VPS13A: variants seen among roughly 807,000 people sequenced by gnomAD.
VPS13A encodes the protein vacuolar protein sorting 13 homolog A.
A neutral mutation model predicts 390.9 loss-of-function variants in VPS13A; 264 were observed. The observed-to-expected ratio is 0.68, with a 90% confidence interval of 0.61 to 0.75. The LOEUF (loss-of-function observed/expected upper bound fraction) is 0.75. VPS13A is among the 30% of genes least tolerant of loss of function. The pLI is 0.00. For missense variants in VPS13A, 3,409 were observed against 3,733.9 expected, an observed-to-expected ratio of 0.91 and a Z score of 2.27; for synonymous variants, 1,231 against 1,227.1, an observed-to-expected ratio of 1.00 and a Z score of -0.07.
At chr9:77,370,735 T>TC in intron 65 of VPS13A, 155 bp from the exon 66 acceptor site, 1 of 627,948 alleles carries the variant, frequency 1.6e-6, no homozygotes, top group South Asian at 7.8e-5. Flanking sequence ...GTCAGTAGCC[T>TC]CTAAAACATT....
At chr9:77,378,026 G>T (rs566271547) in intron 67 of VPS13A, among the ~76,000 whole-genome samples, 5 of 152,160 alleles carry the variant, frequency 3.3e-5, no homozygotes, top group Non-Finnish European at 7.4e-5. Flanking sequence ...TGGACATAAT[G>T]TGTAATCGTT....
chr9:77,322,986 A>G (rs1243835114), intron 44 of VPS13A, 81 bp from the exon 45 acceptor site: 1 of 1,146,222 alleles, frequency 8.7e-7, no homozygotes, highest in African/African-American at 1.6e-5. Flanking sequence ...GAATCATCTG[A>G]AATTTCTAAT....
chr9:77,336,446 T>C (rs540779398), intron 46 of VPS13A, among the ~76,000 whole-genome samples: 13 of 152,330 alleles, frequency 8.5e-5, no homozygotes, highest in African/African-American at 2.6e-4. Context: ...ATCTATTGAC[T>C]ACGTTTTAAT....
In VPS13A at chr9:77,221,319, G is replaced by A. The variant is rs1425273574; in HGVS notation, c.1124G>A (p.Ser375Asn). 1 of 1,613,128 alleles carries A rather than the reference G, an allele frequency of 6.2e-7. No individual in the cohort carries two copies. The highest frequency in any genetic ancestry group is 8.5e-7 in the Non-Finnish European group (1 of 1,179,376). Reference protein sequence around the residue: ...YKELYKKKLTSKKPPGELLVS... With the variant: ...YKELYKKKLTNKKPPGELLVS... ...GAACTGTATAAAAAAAAGTTAACAA[G>A]TAAGAAGCCACCTGGTGAACTTCTC... Residue 375 changes from serine to asparagine, a missense_variant, in exon 13 of 72, where the codon AGT becomes AAT. This residue lies in a region of VPS13A where 2,717 missense variants were observed against 2,917.4 expected (regional missense o/e 0.93). Transcript: ENST00000360280.
intron 47 of VPS13A, 194 bp from the exon 48 acceptor site, chr9:77,339,322 A>G: frequency 1.7e-6 from 1 of 592,940 alleles, no homozygotes; most frequent in Non-Finnish European, 2.9e-6. Flanking sequence ...ACAGTAGCTC[A>G]AATCTCAGAT....
intron 35 of VPS13A, among the ~76,000 whole-genome samples, chr9:77,313,765 G>A (rs912432453): frequency 2.6e-5 from 4 of 152,082 alleles, no homozygotes; most frequent in African/African-American, 7.2e-5. Flanking sequence ...GAAGCATCAA[G>A]AGGAAATAGA....
chr9:77,242,280 T>C (rs1184106109), intron 19 of VPS13A, among the ~76,000 whole-genome samples: 1 of 152,132 alleles, frequency 6.6e-6, no homozygotes, highest in Admixed American at 6.5e-5. Context: ...TAAAATAATT[T>C]AGATGAGTCA....
At chr9:77,409,562 A>G (rs1370655962) in intron 71 of VPS13A, among the ~76,000 whole-genome samples, 1 of 152,126 alleles carries the variant, frequency 6.6e-6, no homozygotes, top group East Asian at 1.9e-4. Context: ...AAAAAATTAG[A>G]TGAATGGCTA....
chr9:77,410,065 A>G (rs1834843698), intron 71 of VPS13A, among the ~76,000 whole-genome samples: 1 of 152,156 alleles, frequency 6.6e-6, no homozygotes, highest in African/African-American at 2.4e-5. Flanking sequence ...GTTACCCACA[A>G]AGGGAAGCCC....
chr9:77,371,142 A>T lies in VPS13A; in HGVS notation c.9070A>T (p.Ile3024Leu). Residue 3024 changes from isoleucine (I) to leucine (L), a missense_variant, in exon 67 of 72, where the codon ATA becomes TTA. This residue lies in a region of VPS13A where 318 missense variants were observed against 333.7 expected (regional missense o/e 0.95). Coordinates refer to ENST00000360280, the MANE Select transcript of VPS13A (RefSeq NM_033305.3). ...CATGGCTAGCAGTACATTTCAGGGA[A>T]TAAAAAGGTAAATCCTCTTTGGTGT... ...IDMASSTFQG[I>L]KRATETSEVE... 6.2e-7 allele frequency: 1 copy of T among 1,614,030 alleles called. No homozygotes were observed. The highest frequency in any genetic ancestry group is 8.5e-7 in the Non-Finnish European group (1 of 1,179,946).
chr9:77,406,058 T>G, intron 70 of VPS13A, 71 bp downstream of exon 70: 2 of 1,580,388 alleles, frequency 1.3e-6, no homozygotes, highest in Non-Finnish European at 1.7e-6. Context: ...CCTTTTTATT[T>G]GTATAATGCT....
intron 62 of VPS13A, among the ~76,000 whole-genome samples, chr9:77,368,507 T>C (rs1435904929): frequency 1.3e-5 from 2 of 151,232 alleles, no homozygotes; most frequent in African/African-American, 4.8e-5. Context: ...GTCAGCCAGA[T>C]GTATTTTTTT....
intron 68 of VPS13A, chr9:77,389,986 C>A: frequency 3.3e-6 from 2 of 608,574 alleles, no homozygotes; most frequent in Non-Finnish European, 4.1e-6. Context: ...TCAAACACTG[C>A]CTTAATAGCA....
chr9:77,411,531 C>T (rs1485860254), intron 71 of VPS13A, among the ~76,000 whole-genome samples: 19 of 151,744 alleles, frequency 1.3e-4, no homozygotes, highest in Admixed American at 2.6e-4. Flanking sequence ...GGCGAGGTGG[C>T]GGGCGCCTGT....
chr9:77,319,698 G>GTATA (rs145548425), intron 42 of VPS13A, 25 bp downstream of exon 42: 123 of 1,075,488 alleles, frequency 1.1e-4, no homozygotes, highest in African/African-American at 4.5e-4. Flanking sequence ...GTCTATGTGT[G>GTATA]TATATATATA....
chr9:77,370,059 CATT>C (rs1304370226), intron 63 of VPS13A, among the ~76,000 whole-genome samples, 195 bp from the exon 64 acceptor site: 1 of 152,200 alleles, frequency 6.6e-6, no homozygotes, highest in Non-Finnish European at 1.5e-5. Context: ...CAGCGTCTAA[CATT>C]ATATCCTTCA....
At chr9:77,396,471 AACTT>A (rs1306982031) in intron 68 of VPS13A, among the ~76,000 whole-genome samples, 1 of 152,220 alleles carries the variant, frequency 6.6e-6, no homozygotes. Context: ...TTTTAAAACC[AACTT>A]ACCTCAGACA....
chr9:77,378,151 C>G (rs1833210040), intron 67 of VPS13A, among the ~76,000 whole-genome samples: 1 of 152,002 alleles, frequency 6.6e-6, no homozygotes, highest in Admixed American at 6.6e-5. Flanking sequence ...GTATGGGTAT[C>G]AGGGTAATAT....
At chr9:77,323,916 G>T (rs6651537) in intron 45 of VPS13A, among the ~76,000 whole-genome samples, 13 of 151,876 alleles carry the variant, frequency 8.6e-5, no homozygotes, top group African/African-American at 3.1e-4. Flanking sequence ...TGTATATGCC[G>T]CATAGCCATT....
Sources: allele counts gnomAD v4.1 joint callset (sites outside exome capture counted in the v4.1 genomes callset), GRCh38; gene constraint gnomAD v4.1.1; regional missense constraint gnomAD v4.1.1; transcripts MANE v1.5; gene names NCBI Gene and HGNC (gene_info 2026-07-23, HGNC 2026-07-21).